The following FARS2 variants were observed in gnomAD, a reference collection of about 807,000 sequenced individuals.
The protein encoded by FARS2 is phenylalanine--tRNA ligase, mitochondrial.
In FARS2, 40 loss-of-function variants were observed where a neutral mutation model predicts 46.4. The ratio of observed to expected loss-of-function variants is 0.86; its 90% CI spans 0.67 to 1.12. The LOEUF is 1.12. FARS2 is among the 50% of genes most tolerant of loss of function. FARS2 has a pLI of 0.00. For missense variants in FARS2, 513 were observed against 567.9 expected, an observed-to-expected ratio of 0.90 and a Z score of 0.98; for synonymous variants, 234 against 214.9, an observed-to-expected ratio of 1.09 and a Z score of -0.78.
intron 1 of FARS2, among the ~76,000 whole-genome samples, chr6:5,302,369 C>T (rs1168051921): frequency 6.6e-6 from 1 of 152,104 alleles, no homozygotes; most frequent in African/African-American, 2.4e-5. Context: ...CTTTGCTGTC[C>T]AGAGAGATTA....
At chr6:5,687,503 A>G (rs1370667262) in intron 6 of FARS2, among the ~76,000 whole-genome samples, 1 of 152,174 alleles carries the variant, frequency 6.6e-6, no homozygotes, top group African/African-American at 2.4e-5. Flanking sequence ...AAGATCAGAT[A>G]GTTGTAGATA....
intron 4 of FARS2, among the ~76,000 whole-genome samples, chr6:5,476,953 A>G (rs1385825370): frequency 6.6e-6 from 1 of 152,184 alleles, no homozygotes; most frequent in Non-Finnish European, 1.5e-5. Flanking sequence ...ATCAGTGTGG[A>G]GCTCTAGCTG....
At chr6:5,390,506 C>G (rs1760438808) in intron 2 of FARS2, among the ~76,000 whole-genome samples, 1 of 152,182 alleles carries the variant, frequency 6.6e-6, no homozygotes, top group South Asian at 2.1e-4. Context: ...GACACATCAT[C>G]TTTCAGAATT....
chr6:5,473,539 A>AC (rs1434572615), intron 4 of FARS2, among the ~76,000 whole-genome samples: 86 of 52,344 alleles, frequency 1.6e-3, no homozygotes, highest in African/African-American at 6.6e-3. Flanking sequence ...AAAACAAAAA[A>AC]AAAAACAAAA....
intron 5 of FARS2, among the ~76,000 whole-genome samples, chr6:5,565,152 A>C (rs1772251426): frequency 6.6e-6 from 1 of 152,228 alleles, no homozygotes; most frequent in Non-Finnish European, 1.5e-5. Context: ...AACATGCTCC[A>C]AATTTTGTTT....
chr6:5,501,163 G>C (rs1339900628), intron 4 of FARS2, among the ~76,000 whole-genome samples: 1 of 152,086 alleles, frequency 6.6e-6, no homozygotes, highest in African/African-American at 2.4e-5. Context: ...TCGCCATCTA[G>C]TATCTAAACC....
intron 6 of FARS2, among the ~76,000 whole-genome samples, chr6:5,683,837 T>G (rs746517559): frequency 3.7e-4 from 56 of 152,276 alleles, no homozygotes; most frequent in Middle Eastern, 6.8e-3. Flanking sequence ...GTTCTCATTC[T>G]TCAATTCCCA....
intron 6 of FARS2, among the ~76,000 whole-genome samples, chr6:5,747,703 C>T (rs761616197): frequency 3.3e-5 from 5 of 152,126 alleles, no homozygotes; most frequent in Non-Finnish European, 7.4e-5. Context: ...CAGTGAGGAT[C>T]GGAGGGTTCA....
chr6:5,467,659 A>G (rs1765583862), intron 4 of FARS2, among the ~76,000 whole-genome samples: 1 of 152,176 alleles, frequency 6.6e-6, no homozygotes, highest in Non-Finnish European at 1.5e-5. Context: ...TTCTGTGGAT[A>G]AATGTTAGTT....
chr6:5,484,990 C>T (rs189464184), intron 4 of FARS2, among the ~76,000 whole-genome samples: 25 of 152,140 alleles, frequency 1.6e-4, no homozygotes, highest in African/African-American at 5.3e-4. Context: ...GAAGAGGCCC[C>T]GGAGGAGCCC....
At chr6:5,463,948 C>T (rs1290739519) in intron 4 of FARS2, among the ~76,000 whole-genome samples, 11 of 152,140 alleles carry the variant, frequency 7.2e-5, no homozygotes, top group South Asian at 2.1e-4. Flanking sequence ...GTAATGTAGT[C>T]GTGCTAATAA....
intron 1 of FARS2, among the ~76,000 whole-genome samples, chr6:5,334,107 T>G (rs1770988082): frequency 1.3e-5 from 2 of 152,250 alleles, no homozygotes; most frequent in Non-Finnish European, 2.9e-5. Flanking sequence ...TGATGATGAT[T>G]TAAACAACAG....
At chr6:5,405,727 T>C (rs147754525) in intron 3 of FARS2, among the ~76,000 whole-genome samples, 3,943 of 151,826 alleles carry the variant, frequency 0.026, 68 homozygotes, top group South Asian at 0.068. Flanking sequence ...CTCCTGACCT[T>C]GTGATTCACC....
rs181829176 is a variant in FARS2, at chr6:5,545,633, C to T, written c.1065+293C>T. 2.3e-3 allele frequency among the ~76,000 whole-genome samples: 351 copies of T among 150,820 alleles called. 1 individual carries two copies. The highest frequency in any genetic ancestry group is 3.4e-3 in the Middle Eastern group (1 of 294). ...TTGCCTGCCACCCCGCAACAGGCCC[C>T]GGTGTGTGATGTTCCCCTCCCTGTG... On this transcript the variant is annotated intron_variant, in intron 5 of 6. Transcript: ENST00000274680.
intron 6 of FARS2, among the ~76,000 whole-genome samples, chr6:5,668,686 G>GTTTTTTTTT (rs58819474): frequency 1.9e-5 from 1 of 53,404 alleles, no homozygotes; most frequent in Non-Finnish European, 3.5e-5. Flanking sequence ...GTGTGTTTGG[G>GTTTTTTTTT]TTTTTTTTTT....
intron 6 of FARS2, among the ~76,000 whole-genome samples, chr6:5,631,854 A>T (rs1776306222): frequency 6.6e-6 from 1 of 152,182 alleles, no homozygotes; most frequent in Non-Finnish European, 1.5e-5. Context: ...CAGGGCAGTT[A>T]TTATACTCAT....
chr6:5,296,943 C>T (rs146574717), intron 1 of FARS2, among the ~76,000 whole-genome samples: 15 of 152,290 alleles, frequency 9.8e-5, no homozygotes, highest in African/African-American at 3.4e-4. Flanking sequence ...CAGACCCAAA[C>T]GTGGAATTGC....
intron 1 of FARS2, among the ~76,000 whole-genome samples, chr6:5,347,679 T>G (rs1468692589): frequency 1.3e-5 from 2 of 152,204 alleles, no homozygotes; most frequent in African/African-American, 2.4e-5. Context: ...AGGATTAGAA[T>G]TGAATCATGC....
intron 5 of FARS2, among the ~76,000 whole-genome samples, chr6:5,578,951 G>A (rs112241869): frequency 1.6e-4 from 25 of 152,294 alleles, no homozygotes; most frequent in African/African-American, 5.3e-4. Context: ...TTGTAAAATG[G>A]GAATAATATT....
Sources: gnomAD v4.1 joint callset for allele counts (sites outside exome capture counted in the v4.1 genomes callset) on GRCh38, gnomAD v4.1.1 for gene constraint, MANE v1.5 for transcripts, NCBI Gene and HGNC (gene_info 2026-07-23, HGNC 2026-07-21) for gene names.